The following ZBTB46 variants were observed in gnomAD, a reference collection of about 807,000 sequenced individuals.
ZBTB46 encodes zinc finger and BTB domain-containing protein 46.
Under a neutral mutation model 44.1 loss-of-function variants are expected in ZBTB46, and 8 were observed. The ratio of observed to expected loss-of-function variants is 0.18; its 90% confidence interval spans 0.11 to 0.33. The LOEUF is 0.33. Ranked by LOEUF, ZBTB46 falls within the 10% of genes least tolerant of loss-of-function variation. The pLI is 1.00. For synonymous variants in ZBTB46, 409 were observed against 382.3 expected (o/e 1.07, Z -0.81); for missense variants, 651 against 847.7 (o/e 0.77, Z 2.88).
At position 63,747,142 on chromosome 20, in the gene ZBTB46, C is replaced by T. The variant is rs139827825; in HGVS notation, c.1558G>A (p.Gly520Ser). 9 of 1,609,772 alleles carry T rather than the reference C, an allele frequency of 5.6e-6. No homozygotes were observed. The highest frequency in any genetic ancestry group is 4.5e-5 in the East Asian group (2 of 44,760). ...AGPLDHGGGG[G>S]EGSPEALFPG... ...AACAGCGCCTCTGGAGAGCCCTCGC[C>T]GCCTCCGCCGCCATGGTCCAGGGGC... Residue 520 changes from glycine to serine, a missense_variant, in exon 5 of 5, where the codon GGC becomes AGC. Transcript: ENST00000245663.
At chr20:63,751,473 C>CG (rs1448848172) in intron 4 of ZBTB46, among the ~76,000 whole-genome samples, 1 of 152,164 alleles carries the variant, frequency 6.6e-6, no homozygotes, top group Non-Finnish European at 1.5e-5. Context: ...CAGGCAAACA[C>CG]GGGGAGGCCA....
intron 1 of ZBTB46, among the ~76,000 whole-genome samples, chr20:63,827,732 GATA>G (rs1288843989): frequency 2.0e-5 from 3 of 151,818 alleles, no homozygotes; most frequent in East Asian, 1.9e-4. Context: ...TTTTAATCCA[GATA>G]ATGATGTTTA....
chr20:63,786,285 G>A (rs946866317), intron 2 of ZBTB46, among the ~76,000 whole-genome samples: 8 of 152,192 alleles, frequency 5.3e-5, no homozygotes, highest in African/African-American at 1.7e-4. Context: ...CTCTCCACAC[G>A]CACAGCAGCA....
intron 3 of ZBTB46, among the ~76,000 whole-genome samples, 176 bp from the exon 4 acceptor site, chr20:63,753,037 T>C (rs986412804): frequency 1.3e-5 from 2 of 152,142 alleles, no homozygotes; most frequent in Non-Finnish European, 2.9e-5. Flanking sequence ...CTGCATAAAT[T>C]GTCCCACCCA....
At chr20:63,816,022 C>T (rs531529791) in intron 1 of ZBTB46, among the ~76,000 whole-genome samples, 6 of 109,538 alleles carry the variant, frequency 5.5e-5, no homozygotes, top group African/African-American at 1.1e-4. Flanking sequence ...GTGCAGTGGG[C>T]GCAGGTGGGC....
Position 63,804,821 on chromosome 20 carries a change from G to A in ZBTB46, c.-33-14031C>T, listed in dbSNP as rs111571470. Among the ~76,000 whole-genome samples the A allele has an allele frequency of 1.2e-3, 184 of 152,050 alleles. 1 individual carries two copies. Among genetic ancestry groups the A allele is most frequent in the African/African-American group, 4.2e-3 (173 of 41,520 alleles). On this transcript the variant is annotated intron_variant, in intron 1 of 4. Transcript: ENST00000245663. Reference sequence around the variant, plus strand: ...GCAGGAGAATCGCTATAACCTGGGAGGCGGAGGTTGCAGTGAGCTGAGTTG... The same window carrying A: ...GCAGGAGAATCGCTATAACCTGGGAAGCGGAGGTTGCAGTGAGCTGAGTTG...
At chr20:63,756,367 C>T (rs1046177449) in intron 3 of ZBTB46, among the ~76,000 whole-genome samples, 1 of 152,226 alleles carries the variant, frequency 6.6e-6, no homozygotes, top group African/African-American at 2.4e-5. Context: ...AAGTTTGCTG[C>T]TTCCTGAGTC....
chr20:63,768,707 C>T (rs972272085), intron 3 of ZBTB46, among the ~76,000 whole-genome samples: 5 of 152,200 alleles, frequency 3.3e-5, no homozygotes, highest in South Asian at 4.1e-4. Context: ...AAAGACTCCG[C>T]GACTTCAGGC....
At chr20:63,747,702 C>G (rs948303274) in intron 4 of ZBTB46, among the ~76,000 whole-genome samples, 1 of 152,116 alleles carries the variant, frequency 6.6e-6, no homozygotes, top group Non-Finnish European at 1.5e-5. Context: ...AGCAGAACTG[C>G]AGGTGGCACC....
chr20:63,817,551 C>T (rs2092766398), intron 1 of ZBTB46, among the ~76,000 whole-genome samples: 1 of 150,706 alleles, frequency 6.6e-6, no homozygotes, highest in Admixed American at 6.6e-5. Flanking sequence ...CCTGTACCTA[C>T]CAAAAATACA....
At chr20:63,822,706 A>G (rs1381843066) in intron 1 of ZBTB46, among the ~76,000 whole-genome samples, 2 of 152,262 alleles carry the variant, frequency 1.3e-5, no homozygotes, top group Middle Eastern at 3.4e-3. Context: ...TGAAGCCTAC[A>G]GTGAGTCTCG....
chr20:63,799,641 T>C (rs2092628585), intron 1 of ZBTB46, among the ~76,000 whole-genome samples: 2 of 152,170 alleles, frequency 1.3e-5, no homozygotes, highest in Non-Finnish European at 2.9e-5. Context: ...AGCCACCACG[T>C]GTAGCCTGGT....
intron 1 of ZBTB46, among the ~76,000 whole-genome samples, chr20:63,802,068 C>T (rs1211346043): frequency 2.0e-5 from 3 of 152,136 alleles, no homozygotes; most frequent in Non-Finnish European, 4.4e-5. Context: ...GCCCTAACCC[C>T]TCATATTTCA....
Position 63,744,758 on chromosome 20 carries a change from G to A in ZBTB46, c.*2172C>T, listed in dbSNP as rs2092072379. ...GTGGGACACTGTTGGTTTTAGGGAAGAAAATGCCCCTGTAGCTCCGGCGGG... is the reference window on the plus strand; with the variant it reads ...GTGGGACACTGTTGGTTTTAGGGAAAAAAATGCCCCTGTAGCTCCGGCGGG... On this transcript the variant is annotated 3_prime_UTR_variant, in exon 5 of 5. Coordinates refer to ENST00000245663, the MANE Select transcript of ZBTB46 (RefSeq NM_001369741.1). 6.6e-6 allele frequency: 1 copy of A among 152,366 alleles called. No individual in the cohort carries two copies. The highest frequency in any genetic ancestry group is 2.4e-5 in the African/African-American group (1 of 41,446). The allele number at this position is 152,366 out of a possible 1,614,324, so 9.4% of individuals were successfully genotyped here. A position where few individuals can be genotyped will look rare whatever the true frequency, so the allele number is the denominator to read the frequency against.
At chr20:63,769,711 G>A (rs2092350834) in intron 3 of ZBTB46, among the ~76,000 whole-genome samples, 1 of 152,132 alleles carries the variant, frequency 6.6e-6, no homozygotes, top group Admixed American at 6.5e-5. Context: ...AGGCACGCTG[G>A]CCTGGACCAC....
At chr20:63,816,972 C>T (rs1310259685) in intron 1 of ZBTB46, among the ~76,000 whole-genome samples, 5 of 152,174 alleles carry the variant, frequency 3.3e-5, no homozygotes, top group African/African-American at 4.8e-5. Flanking sequence ...GGCATGGTGG[C>T]GCATGCCTGT....
Position 63,752,588 on chromosome 20 carries a change from T to G in ZBTB46, c.1398+98A>C. ...TCCCCCCTGTGCAGAGTGGACCCGG[T>G]GTGGGGTCCGGGGCGGTCTGCGCCC... On this transcript the variant is annotated intron_variant, in intron 4 of 4. Coordinates refer to ENST00000245663, the MANE Select transcript of ZBTB46 (RefSeq NM_001369741.1). This position sits in a 1 kb window ranked among gnomAD's most constrained non-coding sequence, Gnocchi z 5.6. The G allele has an allele frequency of 3.7e-6, 5 of 1,336,572 alleles. No individual in the cohort carries two copies. Among genetic ancestry groups the G allele is most frequent in the Non-Finnish European group, 4.9e-6 (5 of 1,023,796 alleles). 82.8% of individuals were successfully genotyped at this position (1,336,572 alleles called of 1,614,324 possible). A position where few individuals can be genotyped will look rare whatever the true frequency, so the allele number is the denominator to read the frequency against.
At chr20:63,784,592 C>G (rs1189422619) in intron 2 of ZBTB46, among the ~76,000 whole-genome samples, 1 of 152,224 alleles carries the variant, frequency 6.6e-6, no homozygotes, top group African/African-American at 2.4e-5. Context: ...CACCAGTCAC[C>G]TCTCAGGTCC....
intron 2 of ZBTB46, among the ~76,000 whole-genome samples, chr20:63,780,324 AG>A (rs1031565782): frequency 6.6e-6 from 1 of 152,136 alleles, no homozygotes; most frequent in Non-Finnish European, 1.5e-5. Flanking sequence ...TGTATATAGT[AG>A]TTAGCAAGGT....
Sources: gnomAD v4.1 joint callset for allele counts (sites outside exome capture counted in the v4.1 genomes callset) on GRCh38, gnomAD v4.1.1 for gene constraint, Gnocchi (gnomAD v3.1) non-coding constraint, MANE v1.5 for transcripts, NCBI Gene and HGNC (gene_info 2026-07-23, HGNC 2026-07-21) for gene names.